GALNT13: variants seen among roughly 807,000 people sequenced by gnomAD.
GALNT13 encodes the protein UDP-GalNAc:polypeptide N-acetylgalactosaminyltransferase 13.
GALNT13 carries 28 observed loss-of-function variants against 64.2 expected under a neutral mutation model. The ratio of observed to expected loss-of-function variants is 0.44; its 90% CI spans 0.32 to 0.60. The LOEUF is 0.60. GALNT13 is among the 20% of genes least tolerant of loss of function. The probability of loss-of-function intolerance (pLI) is 0.05; values close to 1 mark genes in which losing one functional copy is unlikely to be tolerated. For synonymous variants in GALNT13, 214 were observed against 224.6 expected, an observed-to-expected ratio of 0.95 and a Z score of 0.42; for missense variants, 577 against 669.8, an observed-to-expected ratio of 0.86 and a Z score of 1.53.
the GALNT13 span, among the ~76,000 whole-genome samples, chr2:153,558,489 G>A: frequency 6.6e-6 from 1 of 152,142 alleles, no homozygotes; most frequent in Non-Finnish European, 1.5e-5. Flanking sequence ...AATCTCTTTA[G>A]CTGATCTCCT....
the GALNT13 span, among the ~76,000 whole-genome samples, chr2:153,379,667 T>A: frequency 6.6e-6 from 1 of 152,184 alleles, no homozygotes; most frequent in Non-Finnish European, 1.5e-5. Context: ...TTTAACTGTG[T>A]TTAATACCAC....
At chr2:154,105,073 T>C (rs1402108986) in intron 3 of GALNT13, among the ~76,000 whole-genome samples, 1 of 152,104 alleles carries the variant, frequency 6.6e-6, no homozygotes, top group Admixed American at 6.6e-5. Flanking sequence ...ACCTACCCTT[T>C]TTGAGGGACT....
the GALNT13 span, among the ~76,000 whole-genome samples, chr2:153,458,016 C>G: frequency 0.075 from 11,369 of 152,178 alleles, 499 homozygotes; most frequent in South Asian, 0.15. Flanking sequence ...CAATTACAAA[C>G]GGCTCTTTTT....
At chr2:154,383,195 G>T (rs1014791471) in intron 9 of GALNT13, among the ~76,000 whole-genome samples, 5 of 151,920 alleles carry the variant, frequency 3.3e-5, no homozygotes. Flanking sequence ...AGGAGATGAT[G>T]TACCTCCTGA....
At chr2:154,128,950 C>T (rs926935338) in intron 3 of GALNT13, among the ~76,000 whole-genome samples, 5 of 152,098 alleles carry the variant, frequency 3.3e-5, no homozygotes, top group Middle Eastern at 3.2e-3. Context: ...TCTGAATTTA[C>T]TGGTAAAATA....
chr2:153,954,132 A>G (rs957902104), intron 3 of GALNT13, among the ~76,000 whole-genome samples: 5 of 152,174 alleles, frequency 3.3e-5, no homozygotes, highest in South Asian at 2.1e-4. Context: ...AAGAATTCCT[A>G]TGTTTACATA....
intron 3 of GALNT13, among the ~76,000 whole-genome samples, chr2:154,013,177 G>C (rs549084237): frequency 6.6e-6 from 1 of 151,176 alleles, no homozygotes; most frequent in East Asian, 2.0e-4. Context: ...TTTCTGGGCT[G>C]ATGTTCTTTA....
At chr2:154,138,765 G>A (rs573806181) in intron 3 of GALNT13, among the ~76,000 whole-genome samples, 39 of 151,638 alleles carry the variant, frequency 2.6e-4, no homozygotes, top group Non-Finnish European at 4.3e-4. Context: ...TTGTCTCACC[G>A]ACATCACAAA....
chr2:153,436,098 G>A, the GALNT13 span, among the ~76,000 whole-genome samples: 2 of 152,212 alleles, frequency 1.3e-5, no homozygotes, highest in East Asian at 1.9e-4. Flanking sequence ...TGTGGTTTTT[G>A]TGTTTGGTTC....
chr2:153,292,677 T>C, the GALNT13 span, among the ~76,000 whole-genome samples: 2 of 152,058 alleles, frequency 1.3e-5, no homozygotes, highest in Admixed American at 6.6e-5. Flanking sequence ...AAGAGACAGT[T>C]TAAGAGGCAA....
intron 4 of GALNT13, among the ~76,000 whole-genome samples, chr2:154,159,341 G>A (rs1226608154): frequency 2.0e-5 from 3 of 151,878 alleles, no homozygotes; most frequent in Non-Finnish European, 4.4e-5. Flanking sequence ...CACCATGTTG[G>A]CCAGGCTGGT....
chr2:153,419,404 C>T, the GALNT13 span, among the ~76,000 whole-genome samples: 8 of 152,206 alleles, frequency 5.3e-5, no homozygotes, highest in South Asian at 6.2e-4. Flanking sequence ...CAGATGTTCT[C>T]AAAGGATTTA....
At chr2:154,185,231 C>A (rs1445488925) in intron 4 of GALNT13, among the ~76,000 whole-genome samples, 1 of 151,918 alleles carries the variant, frequency 6.6e-6, no homozygotes, top group Non-Finnish European at 1.5e-5. Context: ...CATGAAGTTT[C>A]CTTTGTTTCT....
the GALNT13 span, among the ~76,000 whole-genome samples, chr2:153,487,565 CA>C: frequency 6.6e-6 from 1 of 152,108 alleles, no homozygotes. Flanking sequence ...GCAGATCATG[CA>C]AAAAAGCAAT....
chr2:154,394,036 C>T (rs1281518914), intron 9 of GALNT13, among the ~76,000 whole-genome samples: 2 of 122,566 alleles, frequency 1.6e-5, no homozygotes, highest in African/African-American at 6.1e-5. Context: ...CGAGATTGCG[C>T]CACTGCACTC....
chr2:153,665,116 G>A, the GALNT13 span, among the ~76,000 whole-genome samples: 1 of 152,208 alleles, frequency 6.6e-6, no homozygotes, highest in Non-Finnish European at 1.5e-5. Context: ...CTAGCTGTGT[G>A]ATTGATCCTC....
At chr2:154,378,630 C>T (rs567905151) in intron 9 of GALNT13, among the ~76,000 whole-genome samples, 5 of 152,194 alleles carry the variant, frequency 3.3e-5, no homozygotes, top group Non-Finnish European at 4.4e-5. Flanking sequence ...AATTTTTCTT[C>T]GCACCCATTG....
chr2:153,460,706 G>A, the GALNT13 span, among the ~76,000 whole-genome samples: 1 of 152,014 alleles, frequency 6.6e-6, no homozygotes, highest in African/African-American at 2.4e-5. Context: ...AAAATAGTAA[G>A]CAATAACAAA....
the GALNT13 span, among the ~76,000 whole-genome samples, chr2:153,629,466 T>C: frequency 6.6e-6 from 1 of 152,038 alleles, no homozygotes; most frequent in Non-Finnish European, 1.5e-5. Flanking sequence ...TGAAACTGGA[T>C]CCCTTCCTTA....
Sources: gnomAD v4.1 joint callset for allele counts (sites outside exome capture counted in the v4.1 genomes callset) on GRCh38, gnomAD v4.1.1 for gene constraint, MANE v1.5 for transcripts, NCBI Gene and HGNC (gene_info 2026-07-23, HGNC 2026-07-21) for gene names.